Variants in WHAMM observed in about 807,000 individuals in gnomAD.
The protein encoded by WHAMM is WASP homolog associated with actin, golgi membranes and microtubules.
In WHAMM, 67 loss-of-function variants were observed where a neutral mutation model predicts 76.5. The ratio of observed to expected loss-of-function variants is 0.88; its 90% CI spans 0.72 to 1.07. WHAMM has a LOEUF of 1.07. WHAMM is among the 50% of genes least tolerant of loss of function. The pLI is 0.00. For synonymous variants in WHAMM, 419 were observed against 422.1 expected (o/e 0.99, Z 0.09); for missense variants, 1,021 against 1,051.1 (o/e 0.97, Z 0.40).
Position 82,809,710 on chromosome 15 carries a change from C to T in WHAMM, c.-17C>T, listed in dbSNP as rs1385647996. 29 of 1,401,880 alleles carry T rather than the reference C, an allele frequency of 2.1e-5. No individual in the cohort carries two copies. The highest frequency in any genetic ancestry group is 3.0e-5 in the African/African-American group (2 of 67,568). The allele number at this position is 1,401,880 out of a possible 1,614,324, so 86.8% of individuals were successfully genotyped here. A position where few individuals can be genotyped will look rare whatever the true frequency, so the allele number is the denominator to read the frequency against. On this transcript the variant is annotated 5_prime_UTR_variant, in exon 1 of 10. Coordinates refer to ENST00000286760, the MANE Select transcript of WHAMM (RefSeq NM_001080435.3). ...GCCCGCGCCCGCCGAGCCCTAGGGCCGCTGCTGCCGACAGCCATGGAGGAC... is the reference window on the plus strand; with the variant it reads ...GCCCGCGCCCGCCGAGCCCTAGGGCTGCTGCTGCCGACAGCCATGGAGGAC...
At chr15:82,831,638 T>C (rs1333830377) in intron 9 of WHAMM, among the ~76,000 whole-genome samples, 1 of 152,190 alleles carries the variant, frequency 6.6e-6, no homozygotes, top group East Asian at 1.9e-4. Flanking sequence ...AGTGGGCCAC[T>C]TGTCTTGGCA....
intron 9 of WHAMM, among the ~76,000 whole-genome samples, chr15:82,832,878 C>G (rs2051053883): frequency 6.6e-6 from 1 of 152,138 alleles, no homozygotes; most frequent in Non-Finnish European, 1.5e-5. Context: ...GTGGGTGAGA[C>G]TATTCCACCC....
At chr15:82,828,807 A>G (rs1367166753) in intron 8 of WHAMM, among the ~76,000 whole-genome samples, 4 of 152,230 alleles carry the variant, frequency 2.6e-5, no homozygotes, top group Admixed American at 1.3e-4. Context: ...ATATGGAGGT[A>G]TGCACTTGCA....
At chr15:82,831,156 T>C (rs1474067059) in intron 9 of WHAMM, 77 bp downstream of exon 9, 1 of 1,523,344 alleles carries the variant, frequency 6.6e-7, no homozygotes. Context: ...GAAGCCATCA[T>C]CTTCAAATGG....
intron 5 of WHAMM, among the ~76,000 whole-genome samples, chr15:82,819,845 T>C (rs1394312747): frequency 3.3e-5 from 5 of 151,916 alleles, no homozygotes; most frequent in Non-Finnish European, 4.4e-5. Context: ...AATACAAAAA[T>C]ACTAAACCCT....
rs778808323 is a variant in WHAMM, at chr15:82,809,921, C to T, written c.195C>T (p.Pro65=). The change falls in exon 1 of 10, where the codon CCC becomes CCT. Residue 65 remains proline, a synonymous_variant. Transcript: ENST00000286760. ...AGGGGGCCCGGTTGGGGCCCGAGCCCGAGCCCAAGCCTGAGGCCGCCGTCT... is the reference window on the plus strand; with the variant it reads ...AGGGGGCCCGGTTGGGGCCCGAGCCTGAGCCCAAGCCTGAGGCCGCCGTCT... ...LREGARLGPE[P]EPKPEAAVSP... The T allele has an allele frequency of 1.6e-4, 246 of 1,508,642 alleles. No individual in the cohort carries two copies. The highest frequency in any genetic ancestry group is 2.1e-4 in the Non-Finnish European group (239 of 1,124,722). The allele number at this position is 1,508,642 out of a possible 1,614,324, so 93.5% of individuals were successfully genotyped here. A position where few individuals can be genotyped will look rare whatever the true frequency, so the allele number is the denominator to read the frequency against.
At chr15:82,828,123 G>C (rs1035847556) in intron 8 of WHAMM, among the ~76,000 whole-genome samples, 1 of 152,138 alleles carries the variant, frequency 6.6e-6, no homozygotes, top group Non-Finnish European at 1.5e-5. Context: ...GATGCCTTCT[G>C]TATACCAGGC....
chr15:82,810,415 G>T, intron 1 of WHAMM, 80 bp downstream of exon 1: 1 of 1,227,722 alleles, frequency 8.1e-7, no homozygotes, highest in Non-Finnish European at 1.0e-6. Context: ...GGCGCCGAGA[G>T]CCCTGGCTGA....
intron 6 of WHAMM, among the ~76,000 whole-genome samples, chr15:82,823,939 T>C (rs1324569925): frequency 6.6e-6 from 1 of 152,158 alleles, no homozygotes. Flanking sequence ...TAAATATATT[T>C]TACTGTAAAT....
chr15:82,824,983 A>G (rs2050905952), intron 6 of WHAMM, among the ~76,000 whole-genome samples: 2 of 152,062 alleles, frequency 1.3e-5, no homozygotes, highest in South Asian at 4.1e-4. Context: ...GTGAGACCTC[A>G]TCTCTATGGT....
Position 82,823,628 on chromosome 15 carries a change from T to A in WHAMM, c.1458+341T>A, listed in dbSNP as rs529586996. Among the ~76,000 whole-genome samples, 13 of 152,268 alleles carry A rather than the reference T, an allele frequency of 8.5e-5. No individual in the cohort carries two copies. The South Asian group carries it at 2.5e-3, about 29-fold the overall frequency. ...TCACCCAGGCTAGAGTGCAGAGGCA[T>A]GATGTTGGCTCACTGCAACTTCTGC... On this transcript the variant is annotated intron_variant, in intron 6 of 9. Transcript: ENST00000286760.
chr15:82,813,183 A>G lies in WHAMM; in HGVS notation c.690A>G (p.Glu230=). The change falls in exon 2 of 10, where the codon GAA becomes GAG. Residue 230 remains glutamate (E), a synonymous_variant. Transcript: ENST00000286760. The part of the protein sequence containing the change: ...VYQEEDEAYQ[E]LVTVATMFFQ... ...AAGAGGAAGATGAAGCATACCAGGA[A>G]TTGGTTACCGTGGCAACCATGTTCT... The G allele has an allele frequency of 6.2e-7, 1 of 1,613,204 alleles. No homozygotes were observed. Among genetic ancestry groups the G allele is most frequent in the Non-Finnish European group, 8.5e-7 (1 of 1,179,552 alleles).
At position 82,830,663 on chromosome 15, in the gene WHAMM, G is replaced by A. The variant is rs765023264; in HGVS notation, c.1706G>A (p.Ser569Asn). The change falls in exon 9 of 10, where the codon AGT (serine) becomes AAT (asparagine). Residue 569 changes from serine to asparagine, a missense_variant. Physicochemically the swap from Ser to Asn is conservative, Grantham distance 46 (BLOSUM62 1). Around this residue, in one of 3 missense-constraint regions of WHAMM, gnomAD observed 509 missense variants for 492.3 expected, o/e 1.03. Coordinates refer to ENST00000286760, the MANE Select transcript of WHAMM (RefSeq NM_001080435.3). ...GSEPVAPNLP[S>N]DLSQQMCLPA... Reference sequence around the variant, plus strand: ...GAACCTGTGGCTCCAAACCTGCCAAGTGATCTTTCCCAGCAGATGTGCTTG... The same window carrying A: ...GAACCTGTGGCTCCAAACCTGCCAAATGATCTTTCCCAGCAGATGTGCTTG... The A allele has an allele frequency of 5.0e-6, 8 of 1,613,998 alleles. No individual in the cohort carries two copies. The highest frequency in any genetic ancestry group is 1.7e-5 in the Admixed American group (1 of 60,024).
chr15:82,830,283 T>C (rs572948938), intron 8 of WHAMM, among the ~76,000 whole-genome samples: 1 of 152,114 alleles, frequency 6.6e-6, no homozygotes, highest in South Asian at 2.1e-4. Flanking sequence ...TCAACAAATA[T>C]CTTATTATTC....
At chr15:82,824,321 C>T (rs1034708251) in intron 6 of WHAMM, among the ~76,000 whole-genome samples, 2 of 151,140 alleles carry the variant, frequency 1.3e-5, no homozygotes, top group Non-Finnish European at 1.5e-5. Context: ...CCACACCCGG[C>T]TAATATATAT....
chr15:82,825,005 G>A (rs1016331443), intron 6 of WHAMM, among the ~76,000 whole-genome samples: 2 of 152,116 alleles, frequency 1.3e-5, no homozygotes, highest in Admixed American at 1.3e-4. Context: ...CGCACCTATA[G>A]TCCCAGCTAC....
rs1234091597 is a variant in WHAMM at position 82,810,227 on chromosome 15, C to A, written c.501C>A (p.Asp167Glu). ...GCTGCGGCGGCGCCACAGTGCGCGACGCACTCTTCCCGGCTGAGGGCGGCG... is the reference window on the plus strand; with the variant it reads ...GCTGCGGCGGCGCCACAGTGCGCGAAGCACTCTTCCCGGCTGAGGGCGGCG... ...ADGCGGATVR[D>E]ALFPAEGGAA... The change falls in exon 1 of 10, where the codon GAC becomes GAA. Residue 167 changes from aspartate (D) to glutamate (E), a missense_variant. By Grantham distance (45) the Asp-to-Glu change is conservative (BLOSUM62 2). Transcript: ENST00000286760. 10 of 1,416,080 alleles carry A rather than the reference C, an allele frequency of 7.1e-6. No homozygotes were observed. Among genetic ancestry groups the A allele is most frequent in the Non-Finnish European group, 2.8e-6 (3 of 1,084,360 alleles). 87.7% of individuals were successfully genotyped at this position (1,416,080 alleles called of 1,614,324 possible).
chr15:82,816,703 T>G lies in WHAMM; in HGVS notation c.795T>G (p.Asp265Glu), dbSNP rs757152458. The G allele has an allele frequency of 1.9e-5, 30 of 1,552,930 alleles. No homozygotes were observed. Among genetic ancestry groups the G allele is most frequent in the Non-Finnish European group, 2.3e-5 (26 of 1,147,988 alleles). ...CCTTCTGTCTGTAGAAGTCTTTGGA[T>G]GAGGATGACCTAGGTCCTAGAAGGG... ...LCKLDILKSL[D>E]EDDLGPRRVV... is the part of the protein sequence containing the mutation. Residue 265 changes from aspartate (D) to glutamate (E), a missense_variant, in exon 3 of 10, where the codon GAT (aspartate) becomes GAG (glutamate). Asp to Glu is a conservative substitution (Grantham distance 45). Coordinates refer to ENST00000286760, the MANE Select transcript of WHAMM (RefSeq NM_001080435.3).
At chr15:82,819,061 A>T (rs1413372210) in intron 4 of WHAMM, among the ~76,000 whole-genome samples, 1 of 152,200 alleles carries the variant, frequency 6.6e-6, no homozygotes, top group Non-Finnish European at 1.5e-5. Flanking sequence ...CAACATACGA[A>T]TTTTTGGGGG....
Sources: allele counts gnomAD v4.1 joint callset (sites outside exome capture counted in the v4.1 genomes callset), GRCh38; gene constraint gnomAD v4.1.1; regional missense constraint gnomAD v4.1.1; transcripts MANE v1.5; gene names NCBI Gene and HGNC (gene_info 2026-07-23, HGNC 2026-07-21).